Variants in CDS1 observed in about 807,000 individuals in gnomAD.
CDS1 encodes the protein phosphatidate cytidylyltransferase 1.
In CDS1, 41 loss-of-function variants were observed where a neutral mutation model predicts 62.1. The ratio of observed to expected loss-of-function variants is 0.66; its 90% CI spans 0.51 to 0.86. The LOEUF is 0.86. Ranked by LOEUF, CDS1 falls within the 40% of genes least tolerant of loss-of-function variation. The pLI is 0.00. For missense variants in CDS1, 470 were observed against 550.1 expected (o/e 0.85, Z 1.46); for synonymous variants, 185 against 192.6 (o/e 0.96, Z 0.32).
intron 9 of CDS1, 78 bp downstream of exon 9, chr4:84,639,070 G>A (rs980504014): frequency 3.1e-6 from 2 of 645,036 alleles, no homozygotes; most frequent in Non-Finnish European, 4.9e-6. Flanking sequence ...TTTAAACCTA[G>A]AAAAATTAAA....
At chr4:84,620,984 C>T (rs566848874) in intron 5 of CDS1, among the ~76,000 whole-genome samples, 154 of 151,950 alleles carry the variant, frequency 1.0e-3, no homozygotes, top group African/African-American at 2.8e-3. Context: ...CGCTTGAACC[C>T]GGGAGGCGGA....
chr4:84,650,104 T>G lies in CDS1; in HGVS notation c.*1418T>G, dbSNP rs964775226. On this transcript the variant is annotated 3_prime_UTR_variant, in exon 13 of 13. Transcript: ENST00000295887. ...TAATGAAAAGAGTAAATATTTTTGTTTAAATCAGCAAAAACTTTCCATTAT... is the reference window on the plus strand; with the variant it reads ...TAATGAAAAGAGTAAATATTTTTGTGTAAATCAGCAAAAACTTTCCATTAT... 3.9e-5 allele frequency: 6 copies of G among 152,194 alleles called. No individual in the cohort carries two copies. The highest frequency in any genetic ancestry group is 1.4e-4 in the African/African-American group (6 of 41,446). 9.4% of individuals were successfully genotyped at this position (152,194 alleles called of 1,614,324 possible). A position where few individuals can be genotyped will look rare whatever the true frequency, so the allele number is the denominator to read the frequency against.
intron 12 of CDS1, 58 bp from the exon 13 acceptor site, chr4:84,648,499 G>A: frequency 6.5e-7 from 1 of 1,530,576 alleles, no homozygotes; most frequent in Non-Finnish European, 8.9e-7. Flanking sequence ...GGAGGTATGT[G>A]CTTCACTTAT....
chr4:84,635,766 T>G (rs1194320700), intron 8 of CDS1, among the ~76,000 whole-genome samples: 1 of 148,350 alleles, frequency 6.7e-6, no homozygotes, highest in Admixed American at 6.7e-5. Context: ...TCTTTCCTTT[T>G]TTTTTTTGAA....
intron 5 of CDS1, among the ~76,000 whole-genome samples, chr4:84,623,778 G>T (rs1016411996): frequency 3.9e-5 from 6 of 152,122 alleles, no homozygotes; most frequent in African/African-American, 1.4e-4. Flanking sequence ...GGCCTCTCAC[G>T]TGGTTGCCAT....
In CDS1 at chr4:84,635,286, G is replaced by A; in HGVS notation, c.745G>A (p.Val249Ile). The change falls in exon 8 of 13, where the codon GTT becomes ATT. Residue 249 changes from valine (V) to isoleucine (I), a missense_variant. By Grantham distance (29) the Val-to-Ile change is conservative (BLOSUM62 3). Transcript: ENST00000295887. ...CAGGTTCCTTGTTCCAATATCAAGT[G>A]TTATCTGCAATGACATAACTGCTTA... ...MIWFLVPISS[V>I]ICNDITAYLF... is the part of the protein sequence containing the mutation. The A allele has an allele frequency of 2.0e-6, 3 of 1,524,010 alleles. No homozygotes were observed. The highest frequency in any genetic ancestry group is 2.7e-6 in the Non-Finnish European group (3 of 1,120,366). 94.4% of individuals were successfully genotyped at this position (1,524,010 alleles called of 1,614,324 possible).
At chr4:84,601,771 G>T (rs1722944168) in intron 1 of CDS1, among the ~76,000 whole-genome samples, 1 of 151,860 alleles carries the variant, frequency 6.6e-6, no homozygotes, top group Non-Finnish European at 1.5e-5. Flanking sequence ...AAATTAGCCG[G>T]GCCTGGTGGG....
chr4:84,599,653 A>C (rs1461940346), intron 1 of CDS1, among the ~76,000 whole-genome samples: 1 of 151,778 alleles, frequency 6.6e-6, no homozygotes, highest in Admixed American at 6.6e-5. Flanking sequence ...TATGTATTAC[A>C]TGTACATTTT....
chr4:84,602,432 G>GT (rs1722965823), intron 1 of CDS1, among the ~76,000 whole-genome samples: 1 of 152,160 alleles, frequency 6.6e-6, no homozygotes, highest in Non-Finnish European at 1.5e-5. Context: ...TTGAATGCTA[G>GT]TCTAATGGTT....
At chr4:84,617,413 A>G in intron 3 of CDS1, 151 bp from the exon 4 acceptor site, 1 of 573,340 alleles carries the variant, frequency 1.7e-6, no homozygotes, top group Non-Finnish European at 3.1e-6. Flanking sequence ...TTTTAGAGAC[A>G]TGGAATATTG....
intron 10 of CDS1, 116 bp downstream of exon 10, chr4:84,641,106 C>A (rs1724370307): frequency 3.1e-6 from 2 of 641,392 alleles, no homozygotes; most frequent in Admixed American, 8.8e-5. Context: ...GACAGAGTTT[C>A]CCTCTGTTGC....
intron 1 of CDS1, among the ~76,000 whole-genome samples, chr4:84,583,755 C>T (rs1722331600): frequency 6.6e-6 from 1 of 152,140 alleles, no homozygotes. Flanking sequence ...AAATGGGCCA[C>T]TCAACCCGGC....
intron 1 of CDS1, among the ~76,000 whole-genome samples, chr4:84,584,754 C>T (rs991867241): frequency 9.9e-5 from 15 of 152,122 alleles, no homozygotes; most frequent in African/African-American, 3.1e-4. Context: ...ACACTTTTCC[C>T]CTTACCCTTG....
intron 5 of CDS1, among the ~76,000 whole-genome samples, chr4:84,630,733 A>G (rs1202564992): frequency 6.6e-6 from 1 of 152,130 alleles, no homozygotes; most frequent in Non-Finnish European, 1.5e-5. Context: ...TGAGGCCAGG[A>G]GTTCAAGGCT....
chr4:84,598,050 C>T (rs982151398), intron 1 of CDS1, among the ~76,000 whole-genome samples: 16 of 150,500 alleles, frequency 1.1e-4, no homozygotes, highest in Admixed American at 1.3e-4. Flanking sequence ...GGCGTGAACC[C>T]GGGAGGCAGA....
chr4:84,639,574 A>C (rs1467158787), intron 9 of CDS1, among the ~76,000 whole-genome samples: 1 of 152,214 alleles, frequency 6.6e-6, no homozygotes, highest in Non-Finnish European at 1.5e-5. Flanking sequence ...TTTTATTAAA[A>C]GGTGTCTAGT....
At chr4:84,640,000 T>C (rs531354069) in intron 9 of CDS1, among the ~76,000 whole-genome samples, 1 of 151,592 alleles carries the variant, frequency 6.6e-6, no homozygotes, top group East Asian at 1.9e-4. Flanking sequence ...AATTTGTTAT[T>C]ATCAAAGACT....
intron 12 of CDS1, among the ~76,000 whole-genome samples, chr4:84,646,647 A>G (rs1468112188): frequency 6.6e-6 from 1 of 152,052 alleles, no homozygotes; most frequent in African/African-American, 2.4e-5. Flanking sequence ...AACATACTCT[A>G]TGATTTGAGT....
chr4:84,617,568 TG>T lies in CDS1; in HGVS notation c.350del (p.Gly117AlafsTer4). The T allele has an allele frequency of 6.5e-7, 1 of 1,531,920 alleles. No homozygotes were observed. The highest frequency in any genetic ancestry group is 9.0e-7 in the Non-Finnish European group (1 of 1,109,798). 94.9% of individuals were successfully genotyped at this position (1,531,920 alleles called of 1,614,324 possible). On this transcript the variant is annotated frameshift_variant, in exon 4 of 13. Transcript: ENST00000295887. LOFTEE classifies it high-confidence loss of function. ...AATGTTTTCTCTTGGTTTCAGGTTC[TG>T]GGCATCCAAGTGAAATGCTTCCATG... ...MGSFMLMLLV[L>X]GIQVKCFHEI...
Sources: allele counts gnomAD v4.1 joint callset (sites outside exome capture counted in the v4.1 genomes callset), GRCh38; gene constraint gnomAD v4.1.1; transcripts MANE v1.5; gene names NCBI Gene and HGNC (gene_info 2026-07-23, HGNC 2026-07-21).